Variants in BCAS3 observed in about 807,000 individuals in gnomAD.
BCAS3 encodes the protein BCAS4/BCAS3 fusion.
BCAS3 carries 53 observed loss-of-function variants against 116.1 expected under a neutral mutation model. The ratio of observed to expected loss-of-function variants is 0.46; its 90% CI spans 0.37 to 0.57. BCAS3 has a LOEUF of 0.57. Ranked by LOEUF, BCAS3 falls within the 20% of genes least tolerant of loss-of-function variation. BCAS3 has a pLI of 0.00. For synonymous variants in BCAS3, 391 were observed against 408.2 expected, an observed-to-expected ratio of 0.96 and a Z score of 0.51; for missense variants, 917 against 1,165.4, an observed-to-expected ratio of 0.79 and a Z score of 3.10.
chr17:60,988,745 C>G (rs1474981566), intron 14 of BCAS3, among the ~76,000 whole-genome samples: 1 of 151,546 alleles, frequency 6.6e-6, no homozygotes, highest in African/African-American at 2.4e-5. Flanking sequence ...ATAATGTCTC[C>G]TTTTTCATCT....
At chr17:60,811,680 A>G (rs1354140685) in intron 7 of BCAS3, among the ~76,000 whole-genome samples, 2 of 152,232 alleles carry the variant, frequency 1.3e-5, no homozygotes, top group African/African-American at 2.4e-5. Context: ...CAAATAGATA[A>G]TCTCAACAAG....
chr17:60,867,331 C>A (rs2054694835), intron 7 of BCAS3, among the ~76,000 whole-genome samples: 1 of 151,986 alleles, frequency 6.6e-6, no homozygotes, highest in Non-Finnish European at 1.5e-5. Context: ...ATCTGAAACT[C>A]CTGACCTCAA....
intron 6 of BCAS3, among the ~76,000 whole-genome samples, chr17:60,785,414 C>T (rs1568246583): frequency 6.6e-6 from 1 of 152,158 alleles, no homozygotes; most frequent in African/African-American, 2.4e-5. Context: ...CTACCTTGGC[C>T]TCCCAAAGTG....
Position 61,367,677 on chromosome 17 carries a change from C to T in BCAS3, c.2426-650C>T, listed in dbSNP as rs2058813725. On this transcript the variant is annotated intron_variant, in intron 22 of 23. Coordinates refer to ENST00000407086, the MANE Select transcript of BCAS3 (RefSeq NM_017679.5). The surrounding 1 kb of genome is among the most constrained non-coding windows in gnomAD (Gnocchi z 6.2). ...GTCTGCCACAGACTTGCTCTTCCAT[C>T]TTGGGCCATAACTTCTCTGAGCTCC... The T allele has an allele frequency of 6.6e-6, 1 of 152,208 alleles. No individual in the cohort carries two copies. Among genetic ancestry groups the T allele is most frequent in the Non-Finnish European group, 1.5e-5 (1 of 68,052 alleles). 9.4% of individuals were successfully genotyped at this position (152,208 alleles called of 1,614,324 possible).
intron 13 of BCAS3, among the ~76,000 whole-genome samples, chr17:60,929,857 A>G (rs908529378): frequency 6.6e-6 from 1 of 151,540 alleles, no homozygotes; most frequent in African/African-American, 2.4e-5. Context: ...ACTGAGAATG[A>G]TGATTTCCAA....
At chr17:61,169,389 G>C (rs1056180892) in intron 22 of BCAS3, among the ~76,000 whole-genome samples, 5 of 152,136 alleles carry the variant, frequency 3.3e-5, no homozygotes, top group African/African-American at 9.7e-5. Context: ...TTTTGTATGT[G>C]GATAACCTAG....
chr17:60,875,491 A>G (rs1427555074), intron 9 of BCAS3, among the ~76,000 whole-genome samples: 2 of 152,136 alleles, frequency 1.3e-5, no homozygotes, highest in African/African-American at 2.4e-5. Context: ...GTTTCGTATT[A>G]CCAATTTTAC....
At chr17:60,934,148 G>A (rs2059802445) in intron 13 of BCAS3, among the ~76,000 whole-genome samples, 1 of 152,128 alleles carries the variant, frequency 6.6e-6, no homozygotes, top group African/African-American at 2.4e-5. Context: ...ATAGAATGGA[G>A]TAAAAAAATA....
rs1463782246 is a variant in BCAS3 at position 61,243,212 on chromosome 17, T to TA, written c.2426-125114dup. Among the ~76,000 whole-genome samples the TA allele has an allele frequency of 2.0e-5, 3 of 152,210 alleles. No homozygotes were observed. The highest frequency in any genetic ancestry group is 4.4e-5 in the Non-Finnish European group (3 of 68,034). On this transcript the variant is annotated intron_variant, in intron 22 of 23. Coordinates refer to ENST00000407086, the MANE Select transcript of BCAS3 (RefSeq NM_017679.5). The surrounding 1 kb of genome is among the most constrained non-coding windows in gnomAD (Gnocchi z 5.6). ...GGCATGAGCCACTGCGCCCTACTGC[T>TA]ATACACATTTAATGTCTACACTGTG...
Position 61,134,808 on chromosome 17 carries a change from G to A in BCAS3, c.2425+50244G>A, listed in dbSNP as rs1433157305. 6.6e-6 allele frequency among the ~76,000 whole-genome samples: 1 copy of A among 152,112 alleles called. No homozygotes were observed. Among genetic ancestry groups the A allele is most frequent in the South Asian group, 2.1e-4 (1 of 4,830 alleles). On this transcript the variant is annotated intron_variant, in intron 22 of 23. Transcript: ENST00000407086. The surrounding 1 kb of genome is among the most constrained non-coding windows in gnomAD (Gnocchi z 4.6). ...AAATCACAGAACTAGAATTATTCATGAAGAGTCAGCCACATCAAAGATCCA... is the reference window on the plus strand; with the variant it reads ...AAATCACAGAACTAGAATTATTCATAAAGAGTCAGCCACATCAAAGATCCA...
At chr17:60,745,979 T>C (rs2041983723) in intron 5 of BCAS3, among the ~76,000 whole-genome samples, 1 of 152,150 alleles carries the variant, frequency 6.6e-6, no homozygotes, top group African/African-American at 2.4e-5. Context: ...TTTATAGTAA[T>C]ATTGTAAGAT....
chr17:60,914,883 C>T (rs539643612), intron 12 of BCAS3, among the ~76,000 whole-genome samples: 1 of 152,094 alleles, frequency 6.6e-6, no homozygotes, highest in Non-Finnish European at 1.5e-5. Flanking sequence ...CAATAGTAGG[C>T]TATTAGTAGT....
intron 7 of BCAS3, among the ~76,000 whole-genome samples, chr17:60,832,915 A>G (rs1207970668): frequency 6.6e-6 from 1 of 152,204 alleles, no homozygotes; most frequent in African/African-American, 2.4e-5. Flanking sequence ...CCATGTATGC[A>G]TTTTTGAAAT....
At chr17:61,360,596 T>C (rs1408901588) in intron 22 of BCAS3, among the ~76,000 whole-genome samples, 1 of 152,224 alleles carries the variant, frequency 6.6e-6, no homozygotes, top group Non-Finnish European at 1.5e-5. Flanking sequence ...ACATCTGTCT[T>C]TGTCTTCACA....
Position 61,244,747 on chromosome 17 carries a change from C to T in BCAS3, c.2426-123580C>T, listed in dbSNP as rs2047796562. Among the ~76,000 whole-genome samples the T allele has an allele frequency of 1.3e-5, 2 of 152,038 alleles. No homozygotes were observed. Among genetic ancestry groups the T allele is most frequent in the South Asian group, 4.2e-4 (2 of 4,812 alleles). ...GCGTGGTGGTGGGCACCTGTAGTCC[C>T]AGTTACTTGGGAGAATGAGGCAGGA... On this transcript the variant is annotated intron_variant, in intron 22 of 23. Coordinates refer to ENST00000407086, the MANE Select transcript of BCAS3 (RefSeq NM_017679.5). This position sits in a 1 kb window ranked among gnomAD's most constrained non-coding sequence, Gnocchi z 4.9.
chr17:60,836,421 G>A (rs954064008), intron 7 of BCAS3, among the ~76,000 whole-genome samples: 1 of 151,996 alleles, frequency 6.6e-6, no homozygotes, highest in Admixed American at 6.6e-5. Flanking sequence ...AAGCTTATAC[G>A]GTAGTTCTTT....
rs568565259 is a variant in BCAS3 at position 61,054,925 on chromosome 17, T to C, written c.2029+14033T>C. Among the ~76,000 whole-genome samples the C allele has an allele frequency of 5.9e-5, 9 of 152,308 alleles. No individual in the cohort carries two copies. In the South Asian group the frequency reaches 1.7e-3, roughly 28 times the overall value. On this transcript the variant is annotated intron_variant, in intron 19 of 23. Coordinates refer to ENST00000407086, the MANE Select transcript of BCAS3 (RefSeq NM_017679.5). The stretch of plus-strand genomic sequence containing the variant: ...GGGCTAGGACATTGATTCTGATAGA[T>C]TAAAGAAAAAGCATCTATTGGTTGT...
intron 15 of BCAS3, among the ~76,000 whole-genome samples, chr17:61,015,134 A>T (rs1457543435): frequency 6.6e-6 from 1 of 152,198 alleles, no homozygotes; most frequent in Admixed American, 6.5e-5. Context: ...TTGACAAGGT[A>T]TGGGGGAACT....
chr17:61,167,961 G>A (rs1048549316), intron 22 of BCAS3, among the ~76,000 whole-genome samples: 4 of 152,068 alleles, frequency 2.6e-5, no homozygotes, highest in Non-Finnish European at 5.9e-5. Context: ...CCTACATTTC[G>A]ATATTTGCTG....
Sources: allele counts gnomAD v4.1 joint callset (sites outside exome capture counted in the v4.1 genomes callset), GRCh38; gene constraint gnomAD v4.1.1; non-coding constraint Gnocchi (gnomAD v3.1); transcripts MANE v1.5; gene names NCBI Gene and HGNC (gene_info 2026-07-23, HGNC 2026-07-21).